The following AGBL4 variants were observed in gnomAD, a reference collection of about 807,000 sequenced individuals.
AGBL4 encodes cytosolic carboxypeptidase 6.
AGBL4 carries 58 observed loss-of-function variants against 66.4 expected under a neutral mutation model. The observed-to-expected ratio is 0.87, with a 90% CI of 0.71 to 1.09. AGBL4 has a LOEUF of 1.09. Ranked by LOEUF, AGBL4 falls within the 50% of genes least tolerant of loss-of-function variation. The probability of loss-of-function intolerance (pLI) is 0.00; values close to 1 mark genes in which losing one functional copy is unlikely to be tolerated. For synonymous variants in AGBL4, 234 were observed against 222.9 expected (o/e 1.05, Z -0.44); for missense variants, 579 against 631.0 (o/e 0.92, Z 0.88).
chr1:49,277,944 T>A (rs117057261), intron 3 of AGBL4, among the ~76,000 whole-genome samples: 1 of 152,292 alleles, frequency 6.6e-6, no homozygotes, highest in East Asian at 1.9e-4. Context: ...TCTATTTTGT[T>A]CTGTTTTGTT....
chr1:49,843,209 C>A (rs1204406790), intron 2 of AGBL4, among the ~76,000 whole-genome samples: 1 of 152,130 alleles, frequency 6.6e-6, no homozygotes, highest in Non-Finnish European at 1.5e-5. Context: ...TCACAGCAAC[C>A]TCGACCTTCT....
chr1:49,667,772 A>G (rs1449867607), intron 3 of AGBL4, among the ~76,000 whole-genome samples: 1 of 152,132 alleles, frequency 6.6e-6, no homozygotes. Flanking sequence ...TTTTAAATCT[A>G]TTGCTGCAAC....
chr1:49,299,045 T>C (rs1037468754), intron 3 of AGBL4, among the ~76,000 whole-genome samples: 1 of 152,162 alleles, frequency 6.6e-6, no homozygotes, highest in African/African-American at 2.4e-5. Context: ...TAAGTCCTTA[T>C]TGTGTAACAC....
chr1:50,009,676 G>GAA (rs772368968), intron 1 of AGBL4, among the ~76,000 whole-genome samples: 1 of 131,924 alleles, frequency 7.6e-6, no homozygotes, highest in Non-Finnish European at 1.6e-5. Flanking sequence ...AATCAGACAT[G>GAA]AAAAAAAAAA....
chr1:49,697,289 G>A, intron 3 of AGBL4, 24 bp downstream of exon 3: 1 of 1,536,230 alleles, frequency 6.5e-7, no homozygotes, highest in Non-Finnish European at 8.8e-7. Context: ...AAACCACTCT[G>A]AAGGTATCCA....
intron 6 of AGBL4, among the ~76,000 whole-genome samples, chr1:48,674,601 G>A (rs1646335418): frequency 6.6e-6 from 1 of 152,132 alleles, no homozygotes; most frequent in Admixed American, 6.5e-5. Flanking sequence ...CTAGCTCTGC[G>A]ACTTACTAGC....
At chr1:48,852,027 T>C (rs1647046100) in intron 6 of AGBL4, among the ~76,000 whole-genome samples, 1 of 148,042 alleles carries the variant, frequency 6.8e-6, no homozygotes, top group Non-Finnish European at 1.5e-5. Context: ...TTTTTTTTTT[T>C]TTTTTTTTTT....
At chr1:48,611,827 A>G (rs1342641796) in intron 9 of AGBL4, among the ~76,000 whole-genome samples, 12 of 152,266 alleles carry the variant, frequency 7.9e-5, no homozygotes. Flanking sequence ...GTGTGAGACT[A>G]TCCCTATGGG....
At chr1:49,439,450 A>C (rs1486203817) in intron 3 of AGBL4, among the ~76,000 whole-genome samples, 1 of 152,092 alleles carries the variant, frequency 6.6e-6, no homozygotes, top group Non-Finnish European at 1.5e-5. Flanking sequence ...CTTTATCCTT[A>C]GTTTATGGTT....
intron 1 of AGBL4, among the ~76,000 whole-genome samples, chr1:49,996,534 T>A (rs1660380546): frequency 1.3e-5 from 2 of 151,860 alleles, no homozygotes; most frequent in South Asian, 2.1e-4. Context: ...ATAAAAAAAA[T>A]GAACAAAGCC....
At chr1:49,989,303 T>C (rs1659746720) in intron 1 of AGBL4, among the ~76,000 whole-genome samples, 1 of 152,148 alleles carries the variant, frequency 6.6e-6, no homozygotes, top group African/African-American at 2.4e-5. Flanking sequence ...GGCTGAACTT[T>C]GGGAGATCTG....
Position 48,591,000 on chromosome 1 carries a change from G to A in AGBL4, c.952-15C>T. On this transcript the variant is annotated splice_polypyrimidine_tract_variant and intron_variant, in intron 9 of 13. Coordinates refer to ENST00000371839, the MANE Select transcript of AGBL4 (RefSeq NM_032785.4). ...AGGCTTGTTTTCTGTTGAGAGAAAG[G>A]ATAACAAATGAGAAGTCTGGGCTGT... 6.3e-7 allele frequency: 1 copy of A among 1,597,976 alleles called. No homozygotes were observed. The highest frequency in any genetic ancestry group is 8.5e-7 in the Non-Finnish European group (1 of 1,172,356).
At chr1:49,028,091 T>C (rs566713385) in intron 5 of AGBL4, among the ~76,000 whole-genome samples, 1 of 152,250 alleles carries the variant, frequency 6.6e-6, no homozygotes, top group African/African-American at 2.4e-5. Flanking sequence ...TGCCAAAGGG[T>C]AATGTCAAAA....
At chr1:49,188,891 C>T (rs925098413) in intron 4 of AGBL4, among the ~76,000 whole-genome samples, 2 of 152,070 alleles carry the variant, frequency 1.3e-5, no homozygotes, top group Non-Finnish European at 2.9e-5. Context: ...AGAGTAAAAT[C>T]AGAAAGAACA....
intron 2 of AGBL4, among the ~76,000 whole-genome samples, chr1:49,735,740 A>G (rs1255974552): frequency 6.6e-6 from 1 of 152,106 alleles, no homozygotes. Flanking sequence ...TAGCTGTGGC[A>G]CCAAAAAGAA....
intron 1 of AGBL4, among the ~76,000 whole-genome samples, chr1:49,919,243 G>C (rs544619711): frequency 2.0e-5 from 3 of 152,244 alleles, no homozygotes; most frequent in African/African-American, 4.8e-5. Context: ...AGGGCAATCA[G>C]GCAGGAGAAA....
chr1:49,851,432 T>C lies in AGBL4; in HGVS notation c.121A>G (p.Lys41Glu), dbSNP rs949505318. Residue 41 changes from lysine to glutamate, a missense_variant, in exon 2 of 14, where the codon AAA becomes GAA. Physicochemically the swap from Lys to Glu is moderately conservative, Grantham distance 56. Coordinates refer to ENST00000371839, the MANE Select transcript of AGBL4 (RefSeq NM_032785.4). ...CAAGCATCAAAGATAAGATGTCCTT[T>C]CTTGGGCTGTCCACAATAGCCAGTT... ...LPTGYCGQPKKGHLIFDACFE... is the reference protein window; with the variant it reads ...LPTGYCGQPKEGHLIFDACFE... 1.9e-6 allele frequency: 3 copies of C among 1,550,436 alleles called. No individual in the cohort carries two copies. The African/African-American group carries it at 4.1e-5, about 21-fold the overall frequency.
In AGBL4 at chr1:49,561,582, T is replaced by C. The variant is rs181367469; in HGVS notation, c.282+135731A>G. On this transcript the variant is annotated intron_variant, in intron 3 of 13. Coordinates refer to ENST00000371839, the MANE Select transcript of AGBL4 (RefSeq NM_032785.4). ...TTTTGGTTTTTTGTCCTTGTGATAGTTTGCTGAGAATGATGGTTTCCAGCT... is the reference window on the plus strand; with the variant it reads ...TTTTGGTTTTTTGTCCTTGTGATAGCTTGCTGAGAATGATGGTTTCCAGCT... 3.2e-4 allele frequency among the ~76,000 whole-genome samples: 49 copies of C among 152,152 alleles called. No homozygotes were observed. The East Asian group carries it at 8.9e-3, about 28-fold the overall frequency.
intron 9 of AGBL4, among the ~76,000 whole-genome samples, chr1:48,625,098 TTCCTTCCTTCCTTCCTTCC>T (rs1645480259): frequency 2.5e-4 from 4 of 16,300 alleles, no homozygotes; most frequent in Non-Finnish European, 1.3e-3. Context: ...TTCTCCTTCC[TTCCTTCCTTCCTTCCTTCC>T]TTCCTTCCTT....
Sources: allele counts gnomAD v4.1 joint callset (sites outside exome capture counted in the v4.1 genomes callset), GRCh38; gene constraint gnomAD v4.1.1; transcripts MANE v1.5; gene names NCBI Gene and HGNC (gene_info 2026-07-23, HGNC 2026-07-21).